VWA8: variants seen among roughly 807,000 people sequenced by gnomAD.
The protein encoded by VWA8 is von Willebrand factor A domain containing 8, also known as von Willebrand factor A domain-containing protein 8.
A neutral mutation model predicts 241.5 loss-of-function variants in VWA8; 221 were observed. The observed-to-expected ratio is 0.91, with a 90% confidence interval of 0.82 to 1.02. The LOEUF is 1.02. Among genes scored for constraint, VWA8 ranks in the 50% least tolerant of loss-of-function variants. VWA8 has a pLI of 0.00. For synonymous variants in VWA8, 852 were observed against 827.1 expected (o/e 1.03, Z -0.52); for missense variants, 2,322 against 2,328.7 (o/e 1.00, Z 0.06).
intron 4 of VWA8, among the ~76,000 whole-genome samples, chr13:41,902,355 T>C (rs937901610): frequency 8.5e-5 from 13 of 152,198 alleles, no homozygotes; most frequent in African/African-American, 2.9e-4. Flanking sequence ...TATAAACATA[T>C]GCACATAGAA....
intron 12 of VWA8, among the ~76,000 whole-genome samples, chr13:41,863,387 TCTC>T (rs1451479389): frequency 3.0e-5 from 4 of 133,602 alleles, no homozygotes; most frequent in African/African-American, 8.7e-5. Flanking sequence ...TGTGTGTGTA[TCTC>T]CTATTTGTGT....
At chr13:41,678,245 C>A (rs1190912088) in intron 35 of VWA8, among the ~76,000 whole-genome samples, 2 of 152,062 alleles carry the variant, frequency 1.3e-5, no homozygotes, top group Non-Finnish European at 2.9e-5. Flanking sequence ...AGGTAATGTC[C>A]AAGGAGAGGA....
At chr13:41,634,258 C>A (rs575111485) in intron 37 of VWA8, among the ~76,000 whole-genome samples, 1 of 152,254 alleles carries the variant, frequency 6.6e-6, no homozygotes, top group South Asian at 2.1e-4. Flanking sequence ...CTGTACTATC[C>A]TCTATTGCAT....
chr13:41,882,665 G>A (rs1332876930), intron 9 of VWA8, among the ~76,000 whole-genome samples: 2 of 152,258 alleles, frequency 1.3e-5, no homozygotes, highest in African/African-American at 2.4e-5. Context: ...CCAGTCAGGC[G>A]TGGCGTCGCG....
intron 2 of VWA8, among the ~76,000 whole-genome samples, chr13:41,937,539 C>T (rs1300219821): frequency 6.6e-6 from 1 of 152,162 alleles, no homozygotes; most frequent in Admixed American, 6.5e-5. Flanking sequence ...GTAATGCCAG[C>T]AAGGTGGGGC....
intron 20 of VWA8, 28 bp from the exon 21 acceptor site, chr13:41,761,232 A>G: frequency 2.5e-6 from 4 of 1,601,114 alleles, no homozygotes; most frequent in Non-Finnish European, 3.4e-6. Flanking sequence ...ACATTAAACA[A>G]AAAGAGGCTA....
chr13:41,951,246 G>A (rs1183081146), intron 1 of VWA8, among the ~76,000 whole-genome samples: 2 of 151,806 alleles, frequency 1.3e-5, no homozygotes, highest in East Asian at 2.0e-4. Context: ...GTAAAACCCC[G>A]TCTCTACTAA....
intron 2 of VWA8, among the ~76,000 whole-genome samples, chr13:41,931,304 A>AC (rs202148231): frequency 1.0e-5 from 1 of 98,712 alleles, no homozygotes; most frequent in African/African-American, 3.4e-5. Flanking sequence ...AAAAAAAAAA[A>AC]CCCCTACATG....
chr13:41,803,270 T>C (rs780572479), intron 17 of VWA8, among the ~76,000 whole-genome samples: 12 of 152,056 alleles, frequency 7.9e-5, no homozygotes, highest in Non-Finnish European at 1.8e-4. Flanking sequence ...CAGACAACAA[T>C]GAACATCCAC....
chr13:41,610,999 G>A (rs1471394335), intron 39 of VWA8, among the ~76,000 whole-genome samples: 2 of 152,110 alleles, frequency 1.3e-5, no homozygotes, highest in Admixed American at 1.3e-4. Context: ...TATCCTGAGT[G>A]GGCTAGCTGC....
At chr13:41,919,720 C>G (rs1308612733) in intron 2 of VWA8, among the ~76,000 whole-genome samples, 4 of 152,076 alleles carry the variant, frequency 2.6e-5, no homozygotes, top group African/African-American at 4.8e-5. Context: ...CAAACTACCC[C>G]CAGACACCAC....
intron 21 of VWA8, among the ~76,000 whole-genome samples, chr13:41,740,053 C>T (rs2045557832): frequency 3.3e-5 from 5 of 151,846 alleles, no homozygotes; most frequent in South Asian, 4.2e-4. Context: ...GACGGGGTTT[C>T]ACTGTGTTAG....
At chr13:41,909,975 T>C (rs974814483) in intron 3 of VWA8, among the ~76,000 whole-genome samples, 1 of 152,218 alleles carries the variant, frequency 6.6e-6, no homozygotes, top group Admixed American at 6.5e-5. Context: ...TCACTATACA[T>C]AGGCTGTTAT....
At chr13:41,645,323 T>C (rs1228728866) in intron 37 of VWA8, among the ~76,000 whole-genome samples, 1 of 152,180 alleles carries the variant, frequency 6.6e-6, no homozygotes, top group African/African-American at 2.4e-5. Context: ...AATATTAGCA[T>C]TGGGAAAAAA....
chr13:41,951,344 G>A lies in VWA8; in HGVS notation c.164-1331C>T, dbSNP rs969684363. Among the ~76,000 whole-genome samples, 7 of 152,328 alleles carry A rather than the reference G, an allele frequency of 4.6e-5. No individual in the cohort carries two copies. The East Asian group carries it at 1.2e-3, about 25-fold the overall frequency. ...AGGCAGGAGAATCGCTTAAAGCCAG[G>A]AGGCGGAGGTTGCAGCAAGCCAAGA... On this transcript the variant is annotated intron_variant, in intron 1 of 44. Coordinates refer to ENST00000379310, the MANE Select transcript of VWA8 (RefSeq NM_015058.2).
intron 21 of VWA8, among the ~76,000 whole-genome samples, chr13:41,753,237 C>T (rs2045669242): frequency 6.6e-6 from 1 of 151,998 alleles, no homozygotes; most frequent in Admixed American, 6.6e-5. Flanking sequence ...TAACCAAGAG[C>T]ATAGGTCATG....
chr13:41,691,372 C>G lies in VWA8; in HGVS notation c.3814G>C (p.Val1272Leu). Residue 1272 changes from valine (V) to leucine (L), a missense_variant, in exon 32 of 45, where the codon GTT becomes CTT. Coordinates refer to ENST00000379310, the MANE Select transcript of VWA8 (RefSeq NM_015058.2). ...TISLPINLKT[V>L]FLVAEDKWLL... ...CATTTGTCCTCTGCTACAAGGAAAA[C>G]TGTCTTGAGGTTGATGGGAAGTGAG... The G allele has an allele frequency of 6.2e-7, 1 of 1,612,770 alleles. No individual in the cohort carries two copies. The highest frequency in any genetic ancestry group is 8.5e-7 in the Non-Finnish European group (1 of 1,179,064).
chr13:41,793,449 C>G (rs1286132968), intron 17 of VWA8, among the ~76,000 whole-genome samples: 1 of 152,082 alleles, frequency 6.6e-6, no homozygotes, highest in Non-Finnish European at 1.5e-5. Context: ...CTTTTTCTGA[C>G]TGATTGAATG....
intron 28 of VWA8, among the ~76,000 whole-genome samples, chr13:41,700,109 G>C (rs1036914944): frequency 6.6e-6 from 1 of 152,060 alleles, no homozygotes; most frequent in Non-Finnish European, 1.5e-5. Flanking sequence ...ATAATGAATG[G>C]TATCAGCATC....
Sources: allele counts gnomAD v4.1 joint callset (sites outside exome capture counted in the v4.1 genomes callset), GRCh38; gene constraint gnomAD v4.1.1; transcripts MANE v1.5; gene names NCBI Gene and HGNC (gene_info 2026-07-23, HGNC 2026-07-21).